TYROBP: variants seen among roughly 807,000 people sequenced by gnomAD.
The protein encoded by TYROBP is TYRO protein tyrosine kinase-binding protein.
In TYROBP, 14 loss-of-function variants were observed where a neutral mutation model predicts 17.1. The ratio of observed to expected loss-of-function variants is 0.82; its 90% CI spans 0.54 to 1.28. TYROBP has a LOEUF of 1.28. Ranked by LOEUF, TYROBP falls within the 50% of genes most tolerant of loss-of-function variation. The pLI, the probability that TYROBP is intolerant of heterozygous loss-of-function variation, is 0.00. For synonymous variants in TYROBP, 73 were observed against 67.4 expected (o/e 1.08, Z -0.41); for missense variants, 161 against 151.4 (o/e 1.06, Z -0.33).
intron 4 of TYROBP, among the ~76,000 whole-genome samples, chr19:35,905,989 G>C (rs536649247): frequency 3.9e-4 from 59 of 150,972 alleles, no homozygotes; most frequent in African/African-American, 1.4e-3. Context: ...AAAGAAAAAA[G>C]AGCTTCAAGA....
intron 4 of TYROBP, 128 bp from the exon 5 acceptor site, chr19:35,904,762 A>G (rs1201506784): frequency 2.4e-6 from 2 of 816,812 alleles, no homozygotes; most frequent in African/African-American, 3.4e-5. Flanking sequence ...ATTTTATTCA[A>G]GTACATTCAA....
At chr19:35,906,883 C>G (rs765461402) in intron 4 of TYROBP, among the ~76,000 whole-genome samples, 2 of 152,042 alleles carry the variant, frequency 1.3e-5, no homozygotes, top group Non-Finnish European at 2.9e-5. Flanking sequence ...TGCGTTACCA[C>G]GCCCAGCTAA....
In TYROBP at chr19:35,904,461, A is replaced by T; in HGVS notation, c.*108T>A. 8.6e-7 allele frequency: 1 copy of T among 1,166,000 alleles called. No homozygotes were observed. The highest frequency in any genetic ancestry group is 1.3e-6 in the Non-Finnish European group (1 of 793,204). 72.2% of individuals were successfully genotyped at this position (1,166,000 alleles called of 1,614,324 possible). A position where few individuals can be genotyped will look rare whatever the true frequency, so the allele number is the denominator to read the frequency against. On this transcript the variant is annotated 3_prime_UTR_variant, in exon 5 of 5. Transcript: ENST00000262629. ...TGGGGAGCGGTCTGGTCTCTCAGGG[A>T]TGGCACTCTGTGGGTCTGTATCGCG...
At chr19:35,907,805 C>CG (rs1436295956) in intron 1 of TYROBP, 43 bp from the exon 2 acceptor site, 2 of 1,595,854 alleles carry the variant, frequency 1.3e-6, no homozygotes, top group Non-Finnish European at 1.7e-6. Context: ...AGAGTTATGA[C>CG]GGGGGTGGGG....
intron 4 of TYROBP, 36 bp from the exon 5 acceptor site, chr19:35,904,670 C>T: frequency 6.3e-7 from 1 of 1,599,026 alleles, no homozygotes. Context: ...AAGGGACCCA[C>T]CAAATAAAAT....
At chr19:35,906,787 G>C (rs1975735100) in intron 4 of TYROBP, among the ~76,000 whole-genome samples, 1 of 146,304 alleles carries the variant, frequency 6.8e-6, no homozygotes, top group Non-Finnish European at 1.5e-5. Context: ...GAGTGCAATT[G>C]CGTGATCTTG....
chr19:35,904,415 A>G lies in TYROBP; in HGVS notation c.*154T>C, dbSNP rs554715202. On this transcript the variant is annotated 3_prime_UTR_variant, in exon 5 of 5. Transcript: ENST00000262629. ...ATCTGGCATAATGTTTTTGTGCTTC[A>G]TGTTTATTTTAGGAGAGTATTGGGG... The G allele has an allele frequency of 4.8e-5, 42 of 878,868 alleles. No homozygotes were observed. The highest frequency in any genetic ancestry group is 1.7e-4 in the African/African-American group (10 of 60,328). The allele number at this position is 878,868 out of a possible 1,614,324, so 54.4% of individuals were successfully genotyped here.
Position 35,904,563 on chromosome 19 carries a change from T to A in TYROBP, c.*6A>T. 1.9e-6 allele frequency: 3 copies of A among 1,613,500 alleles called. No homozygotes were observed. The highest frequency in any genetic ancestry group is 2.5e-6 in the Non-Finnish European group (3 of 1,179,822). Reference sequence around the variant, plus strand: ...GTATCATGTTGCTGACTGTCATGATTCGGGCTCATTTGTAATACGGCCTCT... The same window carrying A: ...GTATCATGTTGCTGACTGTCATGATACGGGCTCATTTGTAATACGGCCTCT... On this transcript the variant is annotated 3_prime_UTR_variant, in exon 5 of 5. Transcript: ENST00000262629.
chr19:35,906,397 AT>A (rs1054313879), intron 4 of TYROBP, among the ~76,000 whole-genome samples: 2 of 151,834 alleles, frequency 1.3e-5, no homozygotes, highest in African/African-American at 4.8e-5. Context: ...CCAAAAAAAA[AT>A]TTTTTTTAAT....
At chr19:35,906,058 G>A (rs1172057458) in intron 4 of TYROBP, among the ~76,000 whole-genome samples, 8 of 151,704 alleles carry the variant, frequency 5.3e-5, no homozygotes, top group East Asian at 1.9e-4. Flanking sequence ...AGGCTGAGGC[G>A]GGAGGATCAC....
intron 4 of TYROBP, among the ~76,000 whole-genome samples, chr19:35,906,398 T>G (rs995354759): frequency 6.6e-6 from 1 of 151,768 alleles, no homozygotes; most frequent in African/African-American, 2.4e-5. Context: ...CAAAAAAAAA[T>G]TTTTTTTAAT....
rs778849558 is a variant in TYROBP, at chr19:35,907,208, G to A, written c.276+10C>T. The stretch of plus-strand genomic sequence containing the variant: ...AGTGAAATGTGAGGAGGACAGTCTG[G>A]TTTTCTCACCTGATAAGGCGACTCG... On this transcript the variant is annotated intron_variant, in intron 4 of 4. Coordinates refer to ENST00000262629, the MANE Select transcript of TYROBP (RefSeq NM_003332.4). 1.3e-6 allele frequency: 2 copies of A among 1,598,074 alleles called. No homozygotes were observed. The highest frequency in any genetic ancestry group is 2.3e-5 in the South Asian group (2 of 88,678).
At position 35,908,255 on chromosome 19, in the gene TYROBP, G is replaced by C. The variant is rs1975780414; in HGVS notation, c.-27C>G. ...AAGCCGGATGCTGCTGGACACCACA[G>C]TGTAAGGGCCGGTGGGATGTGGCGC... On this transcript the variant is annotated 5_prime_UTR_variant, in exon 1 of 5. Coordinates refer to ENST00000262629, the MANE Select transcript of TYROBP (RefSeq NM_003332.4). The C allele has an allele frequency of 6.2e-7, 1 of 1,607,800 alleles. No homozygotes were observed. The highest frequency in any genetic ancestry group is 1.3e-5 in the African/African-American group (1 of 74,770).
chr19:35,905,220 T>C (rs59534183), intron 4 of TYROBP, among the ~76,000 whole-genome samples: 7,879 of 152,262 alleles, frequency 0.052, 283 homozygotes, highest in African/African-American at 0.1. Flanking sequence ...AAACCTGAGA[T>C]TCTTAGACTT....
intron 4 of TYROBP, among the ~76,000 whole-genome samples, chr19:35,905,285 A>G (rs760478905): frequency 3.4e-4 from 52 of 152,222 alleles, no homozygotes; most frequent in Non-Finnish European, 7.1e-4. Context: ...GTTGCAGACA[A>G]TATATCAGAC....
In TYROBP at chr19:35,907,556, G is replaced by T. The variant is rs201680032; in HGVS notation, c.119C>A (p.Pro40Gln). ...CATCACGATCCCTGCCAGCACGCCC[G>T]GGCTCACCGTAGAGCAACTGCAATC... ...QSDCSCSTVS[P>Q]GVLAGIVMGD... Residue 40 changes from proline (P) to glutamine (Q), a missense_variant, in exon 3 of 5, where the codon CCG (proline) becomes CAG (glutamine). Physicochemically the swap from Pro to Gln is moderately conservative, Grantham distance 76. Coordinates refer to ENST00000262629, the MANE Select transcript of TYROBP (RefSeq NM_003332.4). 6.2e-7 allele frequency: 1 copy of T among 1,613,886 alleles called. No individual in the cohort carries two copies. The highest frequency in any genetic ancestry group is 1.1e-5 in the South Asian group (1 of 91,076).
At chr19:35,906,043 T>G (rs1439626680) in intron 4 of TYROBP, among the ~76,000 whole-genome samples, 2 of 151,862 alleles carry the variant, frequency 1.3e-5, no homozygotes, top group East Asian at 3.9e-4. Flanking sequence ...TCCCAAGATT[T>G]TCGGAGGCTG....
At chr19:35,905,288 T>C (rs1369212040) in intron 4 of TYROBP, among the ~76,000 whole-genome samples, 3 of 152,214 alleles carry the variant, frequency 2.0e-5, no homozygotes, top group African/African-American at 7.2e-5. Flanking sequence ...GCAGACAATA[T>C]ATCAGACTTC....
At position 35,907,479 on chromosome 19, in the gene TYROBP, G is replaced by T; in HGVS notation, c.196C>A (p.Arg66=). The change falls in exon 3 of 5, where the codon CGG becomes AGG. Residue 66 remains arginine, a synonymous_variant. Coordinates refer to ENST00000262629, the MANE Select transcript of TYROBP (RefSeq NM_003332.4). The part of the protein sequence containing the change: ...LIALAVYFLG[R]LVPRGRGAAE... ...GCCCCTCGCCCCCGAGGGACCAGCC[G>T]GCCCAGGAAGTACACGGCCAGGGCA... The T allele has an allele frequency of 6.2e-7, 1 of 1,613,064 alleles. No homozygotes were observed. Among genetic ancestry groups the T allele is most frequent in the Non-Finnish European group, 8.5e-7 (1 of 1,179,790 alleles).
Sources: allele counts gnomAD v4.1 joint callset (sites outside exome capture counted in the v4.1 genomes callset), GRCh38; gene constraint gnomAD v4.1.1; transcripts MANE v1.5; gene names NCBI Gene and HGNC (gene_info 2026-07-23, HGNC 2026-07-21).